Variants in DCTD observed in about 807,000 individuals in gnomAD.
DCTD encodes deoxycytidylate deaminase.
In DCTD, 23 loss-of-function variants were observed where a neutral mutation model predicts 21.0. The observed-to-expected ratio is 1.09, with a 90% CI of 0.79 to 1.55. The LOEUF is 1.55. DCTD is among the 40% of genes most tolerant of loss of function. The pLI, the probability that DCTD is intolerant of heterozygous loss-of-function variation, is 0.00. For missense variants in DCTD, 224 were observed against 230.0 expected (o/e 0.97, Z 0.17); for synonymous variants, 71 against 81.1 (o/e 0.88, Z 0.67).
intron 3 of DCTD, among the ~76,000 whole-genome samples, chr4:182,899,617 T>C (rs1330778202): frequency 1.3e-5 from 2 of 152,122 alleles, no homozygotes; most frequent in Non-Finnish European, 2.9e-5. Flanking sequence ...GCCAGGCTGG[T>C]CTGGAACTCC....
chr4:182,894,238 G>GT (rs1210755742), intron 4 of DCTD, among the ~76,000 whole-genome samples: 1 of 152,196 alleles, frequency 6.6e-6, no homozygotes, highest in Non-Finnish European at 1.5e-5. Flanking sequence ...TGCCTGTGTT[G>GT]TTTTTTGGCA....
chr4:182,904,482 G>A (rs532828667), intron 3 of DCTD, among the ~76,000 whole-genome samples: 26 of 152,286 alleles, frequency 1.7e-4, no homozygotes, highest in African/African-American at 5.8e-4. Flanking sequence ...GCGTTTAGAG[G>A]GGAACCGGGC....
rs1733509270 is a variant in DCTD, at chr4:182,890,226, A to C, written c.*1173T>G. ...ATGAAAATATAAGAGCACTTTAAAAAGGTAATAATCTTTAGGATAAAGAAA... is the reference window on the plus strand; with the variant it reads ...ATGAAAATATAAGAGCACTTTAAAACGGTAATAATCTTTAGGATAAAGAAA... On this transcript the variant is annotated 3_prime_UTR_variant, in exon 6 of 6. Transcript: ENST00000438320. 6.6e-6 allele frequency: 1 copy of C among 152,232 alleles called. No homozygotes were observed. The highest frequency in any genetic ancestry group is 2.1e-4 in the South Asian group (1 of 4,836). The allele number at this position is 152,232 out of a possible 1,614,324, so 9.4% of individuals were successfully genotyped here.
At chr4:182,915,164 T>G (rs1028943980) in intron 2 of DCTD, 106 bp from the exon 3 acceptor site, 10 of 1,416,430 alleles carry the variant, frequency 7.1e-6, no homozygotes, top group Non-Finnish European at 2.0e-6. Flanking sequence ...AACAGACGCA[T>G]AGCTGCTGCA....
chr4:182,893,168 A>G (rs779852260), intron 4 of DCTD, 41 bp from the exon 5 acceptor site: 28 of 1,199,142 alleles, frequency 2.3e-5, no homozygotes, highest in Non-Finnish European at 1.2e-6. Context: ...GTACGCACCT[A>G]CAGATGCTGC....
At chr4:182,917,460 C>G, upstream of DCTD, 1 of 405,280 alleles carries the variant, frequency 2.5e-6, no homozygotes, top group Non-Finnish European at 3.2e-6. The surrounding 1 kb of genome is among the most constrained non-coding windows in gnomAD (Gnocchi z 4.9). Flanking sequence ...GCGGCTGGCC[C>G]CGGGGGCCCG....
rs191858075 is a variant in DCTD, at chr4:182,897,958, G to A, written c.245-3353C>T. Among the ~76,000 whole-genome samples, 7 of 152,298 alleles carry A rather than the reference G, an allele frequency of 4.6e-5. No individual in the cohort carries two copies. In the East Asian group the frequency reaches 9.6e-4, roughly 21 times the overall value. On this transcript the variant is annotated intron_variant, in intron 3 of 5. Transcript: ENST00000438320. The stretch of plus-strand genomic sequence containing the variant: ...TCTGAACCTTGCTGTCCCCCAGGCC[G>A]CCCTGTACCTCCTTTTGGGCCTGTC...
At chr4:182,893,448 CTT>C (rs1561315537) in intron 4 of DCTD, among the ~76,000 whole-genome samples, 1 of 152,246 alleles carries the variant, frequency 6.6e-6, no homozygotes, top group Non-Finnish European at 1.5e-5. Context: ...CACAAGGTAG[CTT>C]CTCTTACTAG....
intron 3 of DCTD, among the ~76,000 whole-genome samples, chr4:182,907,232 C>G (rs1171825223): frequency 6.6e-6 from 1 of 152,146 alleles, no homozygotes; most frequent in African/African-American, 2.4e-5. Context: ...GCCTCCCGAG[C>G]TCAAGCAATC....
chr4:182,890,691 C>CA lies in DCTD; in HGVS notation c.*707dup, dbSNP rs1294253036. The CA allele has an allele frequency of 6.6e-6, 1 of 152,280 alleles. No individual in the cohort carries two copies. Among genetic ancestry groups the CA allele is most frequent in the East Asian group, 1.9e-4 (1 of 5,178 alleles). The allele number at this position is 152,280 out of a possible 1,614,324, so 9.4% of individuals were successfully genotyped here. ...ACGAAATGGAAGAGCTCCATGTGAC[C>CA]AACAAACCCAAATTGAGCCAAAACA... On this transcript the variant is annotated 3_prime_UTR_variant, in exon 6 of 6. Coordinates refer to ENST00000438320, the MANE Select transcript of DCTD (RefSeq NM_001921.3).
At position 182,915,170 on chromosome 4, in the gene DCTD, C is replaced by T. The variant is rs1390480618; in HGVS notation, c.109-112G>A. ...AGAACTCAAAACAGACGCATAGCTG[C>T]TGCAGGTGCTGAGAGCTGTCGGTCT... On this transcript the variant is annotated intron_variant, in intron 2 of 5. Coordinates refer to ENST00000438320, the MANE Select transcript of DCTD (RefSeq NM_001921.3). 2.9e-6 allele frequency: 4 copies of T among 1,364,670 alleles called. No individual in the cohort carries two copies. The African/African-American group carries it at 5.7e-5, about 20-fold the overall frequency. The allele number at this position is 1,364,670 out of a possible 1,614,324, so 84.5% of individuals were successfully genotyped here.
At chr4:182,902,212 C>G (rs984720205) in intron 3 of DCTD, among the ~76,000 whole-genome samples, 10 of 152,276 alleles carry the variant, frequency 6.6e-5, no homozygotes, top group African/African-American at 2.4e-4. Context: ...CCCCACAACC[C>G]CCACCAAGTA....
intron 5 of DCTD, among the ~76,000 whole-genome samples, chr4:182,891,994 T>C (rs2515683): frequency 0.57 from 83,198 of 147,154 alleles, 23,929 homozygotes; most frequent in Non-Finnish European, 0.61. Context: ...ACTTTTCACT[T>C]GTTCCTCATT....
Position 182,914,976 on chromosome 4 carries a change from A to G in DCTD, c.191T>C (p.Val64Ala). ...NGMPNGCSDD[V>A]LPWRRTAENK... ...CTCTGCTGTCCTTCTCCAAGGCAAC[A>G]CGTCATCACTGCACCCATTTGGCAT... is the stretch of plus-strand genomic sequence containing the variant. Residue 64 changes from valine (V) to alanine (A), a missense_variant, in exon 3 of 6, where the codon GTG (valine) becomes GCG (alanine). Coordinates refer to ENST00000438320, the MANE Select transcript of DCTD (RefSeq NM_001921.3). 1.9e-6 allele frequency: 3 copies of G among 1,614,146 alleles called. No homozygotes were observed. Among genetic ancestry groups the G allele is most frequent in the Non-Finnish European group, 2.5e-6 (3 of 1,180,030 alleles).
intron 3 of DCTD, among the ~76,000 whole-genome samples, chr4:182,896,071 C>T (rs1734671626): frequency 6.6e-6 from 1 of 152,234 alleles, no homozygotes; most frequent in African/African-American, 2.4e-5. Context: ...CTCCCCTACC[C>T]TCTCCAGCCT....
intron 5 of DCTD, among the ~76,000 whole-genome samples, chr4:182,891,783 T>C (rs181184567): frequency 4.1e-4 from 63 of 152,288 alleles, no homozygotes; most frequent in African/African-American, 1.4e-3. Context: ...CGATTACTAG[T>C]TTTCCCATCA....
Position 182,900,787 on chromosome 4 carries a change from T to C in DCTD, c.245-6182A>G, listed in dbSNP as rs531968597. Among the ~76,000 whole-genome samples, 6 of 152,094 alleles carry C rather than the reference T, an allele frequency of 3.9e-5. No individual in the cohort carries two copies. The South Asian group carries it at 1.0e-3, about 26-fold the overall frequency. On this transcript the variant is annotated intron_variant, in intron 3 of 5. Transcript: ENST00000438320. ...TCAAATGCTGAAAATATCAGATTAA[T>C]GCTTAGAAGGCCTTGATTGCCAGAA...
At chr4:182,900,373 A>G (rs1735515247) in intron 3 of DCTD, among the ~76,000 whole-genome samples, 1 of 152,214 alleles carries the variant, frequency 6.6e-6, no homozygotes, top group African/African-American at 2.4e-5. Flanking sequence ...CAACCTGTAC[A>G]ATAAACATTC....
chr4:182,915,177 T>C (rs1738498258), intron 2 of DCTD, 119 bp from the exon 3 acceptor site: 2 of 1,303,176 alleles, frequency 1.5e-6, no homozygotes. Flanking sequence ...CTGCTGCAGG[T>C]GCTGAGAGCT....
Sources: allele counts gnomAD v4.1 joint callset (sites outside exome capture counted in the v4.1 genomes callset), GRCh38; gene constraint gnomAD v4.1.1; non-coding constraint Gnocchi (gnomAD v3.1); transcripts MANE v1.5; gene names NCBI Gene and HGNC (gene_info 2026-07-23, HGNC 2026-07-21).